Variants in TBC1D2B observed in about 807,000 individuals in gnomAD.
The protein encoded by TBC1D2B is TBC1 domain family member 2B.
A neutral mutation model predicts 100.8 loss-of-function variants in TBC1D2B; 64 were observed. The ratio of observed to expected loss-of-function variants is 0.64; its 90% CI spans 0.52 to 0.78. TBC1D2B has a LOEUF of 0.78. Ranked by LOEUF, TBC1D2B falls within the 30% of genes least tolerant of loss-of-function variation. The pLI is 0.00. For missense variants in TBC1D2B, 1,052 were observed against 1,218.4 expected (o/e 0.86, Z 2.03); for synonymous variants, 480 against 479.7 (o/e 1.00, Z -0.01).
chr15:78,066,280 A>G (rs1244087851), intron 1 of TBC1D2B, among the ~76,000 whole-genome samples: 2 of 152,214 alleles, frequency 1.3e-5, no homozygotes, highest in African/African-American at 4.8e-5. Context: ...AACCACAGAG[A>G]GTCAACCCGA....
At chr15:78,046,494 T>C (rs1168301233) in intron 2 of TBC1D2B, among the ~76,000 whole-genome samples, 1 of 152,094 alleles carries the variant, frequency 6.6e-6, no homozygotes, top group East Asian at 1.9e-4. Flanking sequence ...CAAGAAAAAT[T>C]ATTTTCTCTT....
intron 1 of TBC1D2B, among the ~76,000 whole-genome samples, chr15:78,076,599 T>G (rs1259371194): frequency 6.6e-6 from 1 of 151,296 alleles, no homozygotes; most frequent in Non-Finnish European, 1.5e-5. Context: ...AAAAAAAAAT[T>G]TAATTAGCCA....
Position 78,016,738 on chromosome 15 carries a change from T to C in TBC1D2B, c.1583A>G (p.Tyr528Cys), listed in dbSNP as rs1415842531. ...ERRERDLMAKYSSLEAKLCQI... is the reference protein window; with the variant it reads ...ERRERDLMAKCSSLEAKLCQI... The stretch of plus-strand genomic sequence containing the variant: ...GCAGAGCTTGGCTTCCAGGCTAGAA[T>C]ACTGCAGAGAATGTGGTGGTTACCT... The change falls in exon 8 of 13, where the codon TAT becomes TGT. Residue 528 changes from tyrosine to cysteine, a missense_variant and splice_region_variant. Physicochemically the swap from Tyr to Cys is radical, Grantham distance 194 (BLOSUM62 -2). This residue lies in a region of TBC1D2B where 373 missense variants were observed against 464.9 expected (regional missense o/e 0.80). Transcript: ENST00000300584. 6.5e-7 allele frequency: 1 copy of C among 1,536,040 alleles called. No individual in the cohort carries two copies. The highest frequency in any genetic ancestry group is 1.3e-5 in the South Asian group (1 of 77,012).
At chr15:78,010,759 A>G (rs980090168) in intron 9 of TBC1D2B, among the ~76,000 whole-genome samples, 1 of 152,204 alleles carries the variant, frequency 6.6e-6, no homozygotes, top group Non-Finnish European at 1.5e-5. Flanking sequence ...ACAAGGCTAC[A>G]GTTGTCCTTC....
chr15:78,003,753 A>C (rs1431466880), intron 10 of TBC1D2B, among the ~76,000 whole-genome samples: 2 of 152,170 alleles, frequency 1.3e-5, no homozygotes, highest in Non-Finnish European at 2.9e-5. Flanking sequence ...TGTAACCTGA[A>C]ACCAACTCCT....
chr15:78,057,792 C>G (rs1242583504), intron 1 of TBC1D2B, among the ~76,000 whole-genome samples: 4 of 152,204 alleles, frequency 2.6e-5, no homozygotes, highest in Non-Finnish European at 4.4e-5. Flanking sequence ...CTGAAGACAG[C>G]TGAAACCCAA....
At chr15:78,003,962 G>C (rs1220688154) in intron 10 of TBC1D2B, among the ~76,000 whole-genome samples, 1 of 152,226 alleles carries the variant, frequency 6.6e-6, no homozygotes, top group Non-Finnish European at 1.5e-5. Context: ...TGCATGTGCA[G>C]TGGGGGTGGC....
intron 10 of TBC1D2B, among the ~76,000 whole-genome samples, chr15:78,005,151 C>G (rs907300341): frequency 2.6e-5 from 4 of 152,190 alleles, no homozygotes; most frequent in Admixed American, 6.5e-5. Context: ...GACTGTGCCT[C>G]ACTCTTAAGG....
chr15:78,021,384 A>G (rs1260910361), intron 6 of TBC1D2B, among the ~76,000 whole-genome samples: 1 of 152,194 alleles, frequency 6.6e-6, no homozygotes. Context: ...GTAGGAATCA[A>G]TATTTCTTCC....
At chr15:78,012,651 T>C (rs2072260288) in intron 9 of TBC1D2B, among the ~76,000 whole-genome samples, 172 bp downstream of exon 9, 1 of 152,244 alleles carries the variant, frequency 6.6e-6, no homozygotes, top group Non-Finnish European at 1.5e-5. Context: ...TTTCTCTCAG[T>C]TCTTCTAGAA....
chr15:78,047,271 T>TA (rs889947918), intron 2 of TBC1D2B, among the ~76,000 whole-genome samples: 2 of 151,772 alleles, frequency 1.3e-5, no homozygotes, highest in African/African-American at 4.8e-5. Context: ...GGCAAGAAGT[T>TA]ACAAATAACC....
chr15:77,996,899 C>CTTT lies in TBC1D2B; in HGVS notation c.*1260_*1261insAAA, dbSNP rs2071776256. On this transcript the variant is annotated 3_prime_UTR_variant, in exon 13 of 13. Transcript: ENST00000300584. ...TCTACGCATCAGGGATGGTCTAGAGCGATTAAGCAAAAACAAGCTCCTTGC... is the reference window on the plus strand; with the variant it reads ...TCTACGCATCAGGGATGGTCTAGAGCTTTGATTAAGCAAAAACAAGCTCCTTGC... 6.6e-6 allele frequency: 1 copy of CTTT among 151,862 alleles called. No homozygotes were observed. The highest frequency in any genetic ancestry group is 6.6e-5 in the Admixed American group (1 of 15,260). The allele number at this position is 151,862 out of a possible 1,614,324, so 9.4% of individuals were successfully genotyped here.
chr15:78,013,360 T>C (rs552962959), intron 8 of TBC1D2B, 43 bp from the exon 9 acceptor site: 1 of 1,506,568 alleles, frequency 6.6e-7, no homozygotes, highest in African/African-American at 1.4e-5. Flanking sequence ...GACAAAGTTT[T>C]AGCAACAAAG....
intron 1 of TBC1D2B, among the ~76,000 whole-genome samples, chr15:78,060,113 A>G (rs577855183): frequency 6.6e-6 from 1 of 152,322 alleles, no homozygotes; most frequent in East Asian, 1.9e-4. Flanking sequence ...AAGAGGAAAA[A>G]GGGACAACAC....
At chr15:78,017,091 TC>T in intron 7 of TBC1D2B, 1 of 204,382 alleles carries the variant, frequency 4.9e-6, no homozygotes, top group Non-Finnish European at 9.9e-6. Flanking sequence ...GAGTGGCCAC[TC>T]CATGCTATAC....
rs754356563 is a variant in TBC1D2B, at chr15:78,045,071, GA to G, written c.515-4del. On this transcript the variant is annotated splice_polypyrimidine_tract_variant and splice_region_variant and intron_variant, in intron 2 of 12. Coordinates refer to ENST00000300584, the MANE Select transcript of TBC1D2B (RefSeq NM_144572.2). ...ATTTGGGTGTGGGTAAATTAAATCT[GA>G]AAAAAAAGGTAAACAAATGTCAGTT... The G allele has an allele frequency of 4.4e-5, 70 of 1,573,976 alleles. 1 individual carries two copies. The highest frequency in any genetic ancestry group is 2.9e-4 in the South Asian group (25 of 85,728).
At chr15:78,037,217 C>T (rs1290729753) in intron 3 of TBC1D2B, among the ~76,000 whole-genome samples, 1 of 152,130 alleles carries the variant, frequency 6.6e-6, no homozygotes, top group African/African-American at 2.4e-5. Flanking sequence ...CTATCCTCAC[C>T]CCCTTAGCAC....
At chr15:78,066,819 C>A (rs1031139519) in intron 1 of TBC1D2B, among the ~76,000 whole-genome samples, 2 of 152,110 alleles carry the variant, frequency 1.3e-5, no homozygotes, top group Non-Finnish European at 2.9e-5. Flanking sequence ...AAGAGAAAAC[C>A]AAAGCCACCT....
chr15:78,028,464 C>A (rs762511006), intron 4 of TBC1D2B, among the ~76,000 whole-genome samples: 19 of 152,136 alleles, frequency 1.2e-4, no homozygotes, highest in Non-Finnish European at 2.6e-4. Flanking sequence ...GAGCGAGACT[C>A]CGTCTCAATA....
Sources: gnomAD v4.1 joint callset for allele counts (sites outside exome capture counted in the v4.1 genomes callset) on GRCh38, gnomAD v4.1.1 for gene constraint, gnomAD v4.1.1 regional missense constraint, MANE v1.5 for transcripts, NCBI Gene and HGNC (gene_info 2026-07-23, HGNC 2026-07-21) for gene names.